BMAL2: variants seen among roughly 807,000 people sequenced by gnomAD.
BMAL2 encodes basic helix-loop-helix ARNT like 2.
chr12:27,415,931 C>G, the BMAL2 span: 2 of 1,598,096 alleles, frequency 1.3e-6, no homozygotes, highest in Non-Finnish European at 1.7e-6. Flanking sequence ...GATACTCATA[C>G]TGTAAACTGC....
At chr12:27,366,961 A>T in the BMAL2 span, among the ~76,000 whole-genome samples, 1 of 152,212 alleles carries the variant, frequency 6.6e-6, no homozygotes, top group African/African-American at 2.4e-5. Flanking sequence ...CCCATGGCGG[A>T]TACATTCTGA....
chr12:27,391,112 AG>A, the BMAL2 span, among the ~76,000 whole-genome samples: 2 of 152,242 alleles, frequency 1.3e-5, no homozygotes, highest in East Asian at 3.9e-4. Context: ...CTACATGTGC[AG>A]GTTTGTTTCA....
the BMAL2 span, among the ~76,000 whole-genome samples, chr12:27,357,908 T>C: frequency 1.4e-4 from 21 of 152,070 alleles, no homozygotes; most frequent in East Asian, 3.3e-3. Flanking sequence ...CCGTAAAAAT[T>C]CTAGAAGATA....
At chr12:27,338,470 CAA>C in the BMAL2 span, among the ~76,000 whole-genome samples, 4 of 124,414 alleles carry the variant, frequency 3.2e-5, no homozygotes, top group African/African-American at 3.0e-5. Context: ...GAGAGGCAGC[CAA>C]AAAAAAAAAA....
the BMAL2 span, among the ~76,000 whole-genome samples, chr12:27,411,358 T>G: frequency 6.6e-6 from 1 of 152,058 alleles, no homozygotes; most frequent in Non-Finnish European, 1.5e-5. Flanking sequence ...AGCTCATGCT[T>G]GTAATCCCCA....
the BMAL2 span, among the ~76,000 whole-genome samples, chr12:27,383,873 G>A: frequency 2.0e-5 from 3 of 152,158 alleles, no homozygotes; most frequent in Non-Finnish European, 4.4e-5. Context: ...ACGAGTCTGA[G>A]AAAACTGTAC....
chr12:27,396,042 G>T, the BMAL2 span, among the ~76,000 whole-genome samples: 1 of 152,348 alleles, frequency 6.6e-6, no homozygotes, highest in South Asian at 2.1e-4. Flanking sequence ...CTAGGCCCCA[G>T]TGTGACTGTA....
the BMAL2 span, chr12:27,385,663 C>A: frequency 1.5e-6 from 1 of 683,162 alleles, no homozygotes; most frequent in South Asian, 1.8e-5. Context: ...ACATATGGGA[C>A]TCCATATTAC....
the BMAL2 span, among the ~76,000 whole-genome samples, chr12:27,377,884 G>A: frequency 2.4e-4 from 37 of 152,278 alleles, no homozygotes; most frequent in East Asian, 3.7e-3. Flanking sequence ...TGTCATTGCC[G>A]AGGGTGAATG....
At chr12:27,418,722 G>C in the BMAL2 span, among the ~76,000 whole-genome samples, 1 of 152,190 alleles carries the variant, frequency 6.6e-6, no homozygotes, top group African/African-American at 2.4e-5. Flanking sequence ...GCTCATTCCT[G>C]TAATCCCAGC....
the BMAL2 span, chr12:27,389,175 A>G: frequency 6.4e-7 from 1 of 1,572,956 alleles, no homozygotes; most frequent in Non-Finnish European, 8.7e-7. Flanking sequence ...TACCTTATGA[A>G]TAGGCTAGTT....
the BMAL2 span, among the ~76,000 whole-genome samples, chr12:27,349,183 G>T: frequency 6.6e-6 from 1 of 152,192 alleles, no homozygotes; most frequent in African/African-American, 2.4e-5. Flanking sequence ...GGATGAGGCT[G>T]ATGGGGATGC....
the BMAL2 span, chr12:27,403,692 A>G: frequency 2.2e-6 from 1 of 461,908 alleles, no homozygotes. Flanking sequence ...AAAAAGATAT[A>G]AATTTTATAA....
chr12:27,349,445 T>G, the BMAL2 span, among the ~76,000 whole-genome samples: 1 of 152,210 alleles, frequency 6.6e-6, no homozygotes, highest in Non-Finnish European at 1.5e-5. Context: ...ACTAATTATA[T>G]GAGGAGTTCT....
the BMAL2 span, among the ~76,000 whole-genome samples, chr12:27,392,434 A>C: frequency 6.6e-6 from 1 of 151,150 alleles, no homozygotes; most frequent in Non-Finnish European, 1.5e-5. Flanking sequence ...CTTCCTTCCC[A>C]CATCAGTCAT....
At chr12:27,417,809 C>T in the BMAL2 span, among the ~76,000 whole-genome samples, 7 of 151,480 alleles carry the variant, frequency 4.6e-5, no homozygotes, top group East Asian at 7.8e-4. Context: ...CTGGCTAACA[C>T]GGTGAAACCC....
the BMAL2 span, among the ~76,000 whole-genome samples, chr12:27,341,554 C>T: frequency 6.6e-6 from 1 of 152,188 alleles, no homozygotes; most frequent in Non-Finnish European, 1.5e-5. Context: ...TCACATTCTT[C>T]TGAAAAGCAT....
At chr12:27,385,332 TAAATG>T in the BMAL2 span, 1 of 549,886 alleles carries the variant, frequency 1.8e-6, no homozygotes, top group South Asian at 2.6e-5. Flanking sequence ...ATAATTAAAT[TAAATG>T]AAAATGAAAA....
chr12:27,333,052 GCCGA>G, the BMAL2 span: 1 of 1,199,908 alleles, frequency 8.3e-7, no homozygotes, highest in Non-Finnish European at 1.0e-6. Context: ...GGGCTGCGGA[GCCGA>G]CCAAGTGGCT....
Sources: gnomAD v4.1 joint callset for allele counts (sites outside exome capture counted in the v4.1 genomes callset) on GRCh38, gnomAD v4.1.1 for gene constraint, MANE v1.5 for transcripts, NCBI Gene and HGNC (gene_info 2026-07-23, HGNC 2026-07-21) for gene names.